Variants in CDH23 observed in about 807,000 individuals in gnomAD.
CDH23 encodes the protein cadherin related 23, also known as cadherin-23.
A neutral mutation model predicts 317.1 loss-of-function variants in CDH23; 189 were observed. That is an observed-to-expected ratio of 0.60 (90% CI 0.53 to 0.67). CDH23 has a LOEUF of 0.67. Among genes scored for constraint, CDH23 ranks in the 30% least tolerant of loss-of-function variants. The pLI is 0.00. For missense variants in CDH23, 4,401 were observed against 4,592.4 expected (o/e 0.96, Z 1.20); for synonymous variants, 1,839 against 1,876.8 (o/e 0.98, Z 0.52).
Position 71,806,300 on chromosome 10 carries a change from T to G in CDH23, c.8178+19T>G. ...GCCTCCAGTGAGCTTGCCCACCTCC[T>G]GCGCTGGTCACACCCACACAGGGAC... On this transcript the variant is annotated intron_variant, in intron 57 of 69. Coordinates refer to ENST00000224721, the MANE Select transcript of CDH23 (RefSeq NM_022124.6). 2.0e-6 allele frequency: 3 copies of G among 1,518,350 alleles called. No homozygotes were observed. Among genetic ancestry groups the G allele is most frequent in the Non-Finnish European group, 2.7e-6 (3 of 1,121,110 alleles). The allele number at this position is 1,518,350 out of a possible 1,614,324, so 94.1% of individuals were successfully genotyped here. A position where few individuals can be genotyped will look rare whatever the true frequency, so the allele number is the denominator to read the frequency against.
At chr10:71,474,120 C>T (rs1174559431) in intron 3 of CDH23, among the ~76,000 whole-genome samples, 1 of 152,230 alleles carries the variant, frequency 6.6e-6, no homozygotes, top group African/African-American at 2.4e-5. Flanking sequence ...ACCTCCTCTC[C>T]ACAATGCCAG....
intron 7 of CDH23, among the ~76,000 whole-genome samples, chr10:71,568,925 G>A (rs918255004): frequency 1.3e-5 from 2 of 152,356 alleles, no homozygotes; most frequent in East Asian, 3.9e-4. Context: ...CACAGGTATG[G>A]GACAGAGAGG....
chr10:71,608,245 G>A (rs1299187986), intron 9 of CDH23, among the ~76,000 whole-genome samples: 2 of 152,192 alleles, frequency 1.3e-5, no homozygotes, highest in Non-Finnish European at 2.9e-5. Context: ...CTAGAAGAGA[G>A]ACCATTGGAA....
At chr10:71,402,464 C>T (rs1015306010) in intron 1 of CDH23, among the ~76,000 whole-genome samples, 11 of 152,310 alleles carry the variant, frequency 7.2e-5, no homozygotes, top group African/African-American at 2.6e-4. Context: ...GTTTTCTCAT[C>T]TGTAAAATGG....
At position 71,617,290 on chromosome 10, in the gene CDH23, A is replaced by G. The variant is rs1259410106; in HGVS notation, c.1031A>G (p.Asn344Ser). 1.2e-6 allele frequency: 2 copies of G among 1,613,978 alleles called. No homozygotes were observed. The highest frequency in any genetic ancestry group is 4.5e-5 in the East Asian group (2 of 44,886). The change falls in exon 11 of 70, where the codon AAT becomes AGT. Residue 344 changes from asparagine (N) to serine (S), a missense_variant. This residue lies in a region of CDH23 where 3,068 missense variants were observed against 3,203.3 expected (regional missense o/e 0.96). Transcript: ENST00000224721. ...ATCCTGGTTATTGACATCAATGACA[A>G]TGCCCCGGAGTTCAACAGCTCCGAG... ...FNILVIDIND[N>S]APEFNSSEYS...
At position 71,655,079 on chromosome 10, in the gene CDH23, A is replaced by G. The variant is rs73273909; in HGVS notation, c.1449+8462A>G. Among the ~76,000 whole-genome samples, 190 of 152,176 alleles carry G rather than the reference A, an allele frequency of 1.2e-3. 1 individual carries two copies. The highest frequency in any genetic ancestry group is 4.1e-3 in the African/African-American group (171 of 41,490). ...ATGAGCACAGTGCCATGATGCCACAATTTCCCTCACCTCCTCCTGGAGGGC... is the reference window on the plus strand; with the variant it reads ...ATGAGCACAGTGCCATGATGCCACAGTTTCCCTCACCTCCTCCTGGAGGGC... On this transcript the variant is annotated intron_variant, in intron 14 of 69. Coordinates refer to ENST00000224721, the MANE Select transcript of CDH23 (RefSeq NM_022124.6).
chr10:71,734,094 A>G, intron 32 of CDH23, 146 bp from the exon 33 acceptor site: 1 of 708,350 alleles, frequency 1.4e-6, no homozygotes, highest in South Asian at 1.7e-5. Flanking sequence ...GGAATGTGAG[A>G]GAGAAGAAGG....
intron 3 of CDH23, among the ~76,000 whole-genome samples, chr10:71,465,837 T>A (rs1218971908): frequency 1.3e-5 from 2 of 151,744 alleles, no homozygotes; most frequent in Non-Finnish European, 2.9e-5. Flanking sequence ...GTTGGAAAAA[T>A]AGTCATAAAT....
chr10:71,415,259 C>A (rs1032733035), intron 1 of CDH23, among the ~76,000 whole-genome samples: 2 of 152,090 alleles, frequency 1.3e-5, no homozygotes, highest in Non-Finnish European at 2.9e-5. Context: ...TCACACCTGG[C>A]TAATTTTTAA....
At chr10:71,562,720 C>T (rs536241750) in intron 6 of CDH23, among the ~76,000 whole-genome samples, 3 of 152,328 alleles carry the variant, frequency 2.0e-5, no homozygotes, top group East Asian at 1.9e-4. Flanking sequence ...ACAAAGTCAG[C>T]GGGGCCTGGG....
intron 9 of CDH23, among the ~76,000 whole-genome samples, chr10:71,599,960 A>G (rs1490125506): frequency 6.6e-6 from 1 of 150,454 alleles, no homozygotes; most frequent in Admixed American, 6.6e-5. Context: ...AACTGTGGGA[A>G]TAGTCCCATT....
At chr10:71,535,414 G>A (rs1360037731) in intron 6 of CDH23, among the ~76,000 whole-genome samples, 1 of 152,202 alleles carries the variant, frequency 6.6e-6, no homozygotes, top group African/African-American at 2.4e-5. Context: ...AGCACCACGA[G>A]TCAGCACCTC....
At chr10:71,470,877 T>C (rs1028072711) in intron 3 of CDH23, among the ~76,000 whole-genome samples, 88 of 152,362 alleles carry the variant, frequency 5.8e-4, no homozygotes, top group African/African-American at 2.0e-3. Context: ...TTAATGATGT[T>C]GAGCATCTTT....
At chr10:71,768,056 G>A (rs1475647626) in intron 38 of CDH23, among the ~76,000 whole-genome samples, 4 of 152,200 alleles carry the variant, frequency 2.6e-5, no homozygotes, top group Non-Finnish European at 4.4e-5. Flanking sequence ...CCACCCTCAC[G>A]CTTCTATGCT....
At chr10:71,742,428 C>T (rs549033808) in intron 38 of CDH23, among the ~76,000 whole-genome samples, 3 of 152,310 alleles carry the variant, frequency 2.0e-5, no homozygotes, top group South Asian at 2.1e-4. Context: ...TTCACACTAA[C>T]GCTCGAATGA....
At chr10:71,713,000 G>A in intron 28 of CDH23, 187 bp downstream of exon 28, 1 of 776,750 alleles carries the variant, frequency 1.3e-6, no homozygotes, top group Non-Finnish European at 2.2e-6. Flanking sequence ...GGGAGTGTGG[G>A]CCCCCAGGTT....
Position 71,738,608 on chromosome 10 carries a change from T to G in CDH23, c.4320T>G (p.Thr1440=), listed in dbSNP as rs757479962. The change falls in exon 35 of 70, where the codon ACT becomes ACG. Residue 1440 remains threonine, a synonymous_variant. Transcript: ENST00000224721. ...GCCCTGTGGGCCAGCGAGTGGCTACTGTCAAGGCCTGGGACCCTGATGCTG... is the reference window on the plus strand; with the variant it reads ...GCCCTGTGGGCCAGCGAGTGGCTACGGTCAAGGCCTGGGACCCTGATGCTG... The part of the protein sequence containing the change: ...EDCPVGQRVA[T]VKAWDPDAGS... 1.2e-6 allele frequency: 2 copies of G among 1,613,664 alleles called. No individual in the cohort carries two copies. Among genetic ancestry groups the G allele is most frequent in the Non-Finnish European group, 1.7e-6 (2 of 1,179,854 alleles).
Position 71,660,107 on chromosome 10 carries a change from C to T in CDH23, c.1449+13490C>T, listed in dbSNP as rs551612379. On this transcript the variant is annotated intron_variant, in intron 14 of 69. Transcript: ENST00000224721. ...TCCTGAGTAGCCGGGATTACAGGCG[C>T]GTGCCACCACACCCAGCTAATTTTT... Among the ~76,000 whole-genome samples the T allele has an allele frequency of 7.5e-4, 114 of 152,080 alleles. 1 individual carries two copies. Among genetic ancestry groups the T allele is most frequent in the Non-Finnish European group, 1.4e-3 (97 of 67,984 alleles).
At chr10:71,414,242 G>A (rs1026904147) in intron 1 of CDH23, among the ~76,000 whole-genome samples, 1 of 152,128 alleles carries the variant, frequency 6.6e-6, no homozygotes, top group Admixed American at 6.6e-5. Context: ...GCAATAGAAG[G>A]CATCCTTGTT....
Sources: allele counts gnomAD v4.1 joint callset (sites outside exome capture counted in the v4.1 genomes callset), GRCh38; gene constraint gnomAD v4.1.1; regional missense constraint gnomAD v4.1.1; transcripts MANE v1.5; gene names NCBI Gene and HGNC (gene_info 2026-07-23, HGNC 2026-07-21).